Variants in FAM185A observed in about 807,000 individuals in gnomAD.
FAM185A encodes the protein family with sequence similarity 185 member A, also known as protein FAM185A.
FAM185A carries 21 observed loss-of-function variants against 45.7 expected under a neutral mutation model. That is an observed-to-expected ratio of 0.46 (90% confidence interval 0.33 to 0.66). The LOEUF is 0.66. FAM185A is among the 30% of genes least tolerant of loss of function. The probability of loss-of-function intolerance (pLI) is 0.03; values close to 1 mark genes in which losing one functional copy is unlikely to be tolerated. For synonymous variants in FAM185A, 117 were observed against 194.0 expected (o/e 0.60, Z 3.30); for missense variants, 305 against 485.4 (o/e 0.63, Z 3.49).
At chr7:102,832,670 C>T in the FAM185A span, among the ~76,000 whole-genome samples, 1 of 152,192 alleles carries the variant, frequency 6.6e-6, no homozygotes, top group African/African-American at 2.4e-5. Flanking sequence ...TACTTTGACA[C>T]CAGTGGAATC....
intron 3 of FAM185A, among the ~76,000 whole-genome samples, chr7:102,758,459 T>TTTTTTTTTA (rs1554364935): frequency 3.7e-5 from 4 of 107,448 alleles, no homozygotes; most frequent in Admixed American, 2.2e-4. Context: ...TTTTTTTTTT[T>TTTTTTTTTA]ATAGTAGCTA....
the FAM185A span, among the ~76,000 whole-genome samples, chr7:102,829,039 C>T: frequency 1.3e-5 from 2 of 152,190 alleles, no homozygotes; most frequent in African/African-American, 4.8e-5. Context: ...AGGCTCTGTT[C>T]CAGTTCCCCC....
At chr7:102,813,076 A>T (rs1454940590), downstream of FAM185A, among the ~76,000 whole-genome samples, 1 of 151,956 alleles carries the variant, frequency 6.6e-6, no homozygotes, top group Non-Finnish European at 1.5e-5. Flanking sequence ...CTCCTGACTT[A>T]TGGTCCACCC....
chr7:102,794,499 A>G (rs1796329017), intron 7 of FAM185A, among the ~76,000 whole-genome samples: 1 of 152,194 alleles, frequency 6.6e-6, no homozygotes, highest in Non-Finnish European at 1.5e-5. Flanking sequence ...AAAAATACCG[A>G]TTATTCAAAT....
intron 7 of FAM185A, among the ~76,000 whole-genome samples, chr7:102,788,468 GTTTTAGGTATTCA>G (rs1795951752): frequency 1.3e-5 from 2 of 152,038 alleles, no homozygotes; most frequent in Non-Finnish European, 2.9e-5. Context: ...TCAAATTTCA[GTTTTAGGTATTCA>G]TTTTATATGT....
At chr7:102,817,381 T>C in the FAM185A span, among the ~76,000 whole-genome samples, 1 of 152,210 alleles carries the variant, frequency 6.6e-6, no homozygotes, top group Non-Finnish European at 1.5e-5. Flanking sequence ...TTTTTTCATA[T>C]TTTTGTTGGC....
At chr7:102,809,776 G>A (rs2129444252), downstream of FAM185A, among the ~76,000 whole-genome samples, 1 of 152,200 alleles carries the variant, frequency 6.6e-6, no homozygotes, top group East Asian at 1.9e-4. Context: ...CTATCTCTTG[G>A]TGATGTAGTT....
chr7:102,800,671 T>C (rs1454650017), intron 7 of FAM185A, among the ~76,000 whole-genome samples: 3 of 152,116 alleles, frequency 2.0e-5, no homozygotes, highest in Non-Finnish European at 4.4e-5. Flanking sequence ...GGTCTTTGAA[T>C]TAACCCAATC....
At chr7:102,814,303 C>T in the FAM185A span, 2 of 152,084 alleles carry the variant, frequency 1.3e-5, no homozygotes, top group Non-Finnish European at 2.9e-5. Context: ...CCCATGAAGG[C>T]ACTACCTTCC....
the FAM185A span, among the ~76,000 whole-genome samples, chr7:102,832,163 C>A: frequency 6.6e-6 from 1 of 152,048 alleles, no homozygotes; most frequent in African/African-American, 2.4e-5. Flanking sequence ...TATATGTAGT[C>A]CAAATTTTTC....
the FAM185A span, among the ~76,000 whole-genome samples, chr7:102,845,187 G>T: frequency 6.6e-6 from 1 of 152,124 alleles, no homozygotes; most frequent in African/African-American, 2.4e-5. Flanking sequence ...AAAGTTCCAA[G>T]ATTCTAATCG....
chr7:102,815,314 C>T, the FAM185A span, among the ~76,000 whole-genome samples: 2 of 152,008 alleles, frequency 1.3e-5, no homozygotes, highest in African/African-American at 4.8e-5. Flanking sequence ...TGTTATTTTC[C>T]TTTTGTTTAA....
intron 3 of FAM185A, among the ~76,000 whole-genome samples, chr7:102,758,440 T>C (rs998460331): frequency 3.8e-5 from 5 of 131,774 alleles, no homozygotes; most frequent in Admixed American, 1.5e-4. Context: ...TTTTTTTTTT[T>C]TTTTTTTTTT....
chr7:102,822,788 C>T, the FAM185A span, among the ~76,000 whole-genome samples: 1 of 152,306 alleles, frequency 6.6e-6, no homozygotes, highest in East Asian at 1.9e-4. Context: ...AAATTATGAT[C>T]TTAGCAAGGC....
intron 4 of FAM185A, among the ~76,000 whole-genome samples, chr7:102,765,714 A>T (rs183394419): frequency 9.9e-5 from 15 of 152,244 alleles, no homozygotes; most frequent in African/African-American, 3.1e-4. Flanking sequence ...AAGCTAATTG[A>T]CTAGTCATAT....
chr7:102,793,975 G>A (rs1006089163), intron 7 of FAM185A, among the ~76,000 whole-genome samples: 10 of 140,706 alleles, frequency 7.1e-5, no homozygotes, highest in African/African-American at 2.7e-4. Context: ...AGGAGGCAGA[G>A]ATTGCAGTGA....
At chr7:102,781,506 A>T (rs1795404304) in intron 6 of FAM185A, among the ~76,000 whole-genome samples, 1 of 152,154 alleles carries the variant, frequency 6.6e-6, no homozygotes, top group African/African-American at 2.4e-5. Context: ...CTTCACCAAT[A>T]TCCGCTGTTC....
At chr7:102,838,953 T>C in the FAM185A span, among the ~76,000 whole-genome samples, 24 of 152,244 alleles carry the variant, frequency 1.6e-4, no homozygotes, top group East Asian at 3.9e-4. Context: ...CTGAGGAGGA[T>C]AGTAAAAGAG....
downstream of FAM185A, among the ~76,000 whole-genome samples, chr7:102,811,257 G>T (rs1797418194): frequency 6.6e-6 from 1 of 152,188 alleles, no homozygotes; most frequent in African/African-American, 2.4e-5. Context: ...GGATCACATT[G>T]TTAAGTCCCA....
Sources: allele counts gnomAD v4.1 joint callset (sites outside exome capture counted in the v4.1 genomes callset), GRCh38; gene constraint gnomAD v4.1.1; transcripts MANE v1.5; gene names NCBI Gene and HGNC (gene_info 2026-07-23, HGNC 2026-07-21).